Variants in IMMP2L observed in about 807,000 individuals in gnomAD.
IMMP2L encodes inner mitochondrial membrane peptidase subunit 2.
Under a neutral mutation model 19.3 loss-of-function variants are expected in IMMP2L, and 18 were observed. That is an observed-to-expected ratio of 0.93 (90% CI 0.64 to 1.38). IMMP2L has a LOEUF of 1.38. Ranked by LOEUF, IMMP2L falls within the 40% of genes most tolerant of loss-of-function variation. The probability of loss-of-function intolerance (pLI) is 0.00; values close to 1 mark genes in which losing one functional copy is unlikely to be tolerated. For missense variants in IMMP2L, 233 were observed against 218.2 expected, an observed-to-expected ratio of 1.07 and a Z score of -0.43; for synonymous variants, 76 against 73.0, an observed-to-expected ratio of 1.04 and a Z score of -0.21.
intron 3 of IMMP2L, among the ~76,000 whole-genome samples, chr7:111,242,996 TA>T (rs1260245623): frequency 6.6e-6 from 1 of 152,262 alleles, no homozygotes; most frequent in Admixed American, 6.5e-5. Context: ...GATCTTAAAA[TA>T]TTTTTTTCTG....
chr7:111,217,983 T>C (rs551641520), intron 3 of IMMP2L, among the ~76,000 whole-genome samples: 9 of 152,212 alleles, frequency 5.9e-5, no homozygotes, highest in Non-Finnish European at 1.2e-4. Context: ...TCACTTTTCT[T>C]TTCAAAATAA....
At chr7:111,173,938 T>C (rs2129609635) in intron 3 of IMMP2L, among the ~76,000 whole-genome samples, 1 of 151,874 alleles carries the variant, frequency 6.6e-6, no homozygotes, top group East Asian at 1.9e-4. Flanking sequence ...TGAAGTTAAA[T>C]ATATTAACAA....
At chr7:110,857,566 C>T (rs1040806682) in intron 5 of IMMP2L, among the ~76,000 whole-genome samples, 1 of 152,082 alleles carries the variant, frequency 6.6e-6, no homozygotes, top group Non-Finnish European at 1.5e-5. Flanking sequence ...AATATAGATT[C>T]CTGGATCTCA....
chr7:111,236,170 T>A (rs959732426), intron 3 of IMMP2L, among the ~76,000 whole-genome samples: 1 of 152,124 alleles, frequency 6.6e-6, no homozygotes, highest in Admixed American at 6.6e-5. Flanking sequence ...TGATTGATGT[T>A]CTCCTCATTT....
At chr7:111,090,634 T>A (rs776818373) in intron 3 of IMMP2L, among the ~76,000 whole-genome samples, 91 of 150,338 alleles carry the variant, frequency 6.1e-4, no homozygotes, top group Admixed American at 4.5e-3. Context: ...AAAAGTGTTA[T>A]TGAACACCAA....
chr7:111,256,645 A>C (rs1235895324), intron 3 of IMMP2L, among the ~76,000 whole-genome samples: 1 of 152,060 alleles, frequency 6.6e-6, no homozygotes, highest in African/African-American at 2.4e-5. Flanking sequence ...TGCTGCCTAG[A>C]GAGAAAAGTT....
intron 3 of IMMP2L, among the ~76,000 whole-genome samples, chr7:111,135,244 A>G (rs1802222827): frequency 6.6e-6 from 1 of 152,140 alleles, no homozygotes; most frequent in South Asian, 2.1e-4. Context: ...ATATTATAAC[A>G]CTCTACTGAT....
chr7:110,993,726 A>G (rs901331723), intron 3 of IMMP2L, among the ~76,000 whole-genome samples: 1 of 152,108 alleles, frequency 6.6e-6, no homozygotes, highest in Non-Finnish European at 1.5e-5. Flanking sequence ...CGAATGGTCA[A>G]AAACCAAATA....
At chr7:111,048,260 AAAAAAGAAAAAAAG>A (rs1792637670) in intron 3 of IMMP2L, among the ~76,000 whole-genome samples, 4 of 149,402 alleles carry the variant, frequency 2.7e-5, no homozygotes, top group African/African-American at 1.0e-4. Context: ...AAAAAAAAAA[AAAAAAGAAAAAAAG>A]AAAAAAGAAA....
intron 5 of IMMP2L, among the ~76,000 whole-genome samples, chr7:110,793,980 A>G (rs1800669917): frequency 6.6e-6 from 1 of 152,154 alleles, no homozygotes; most frequent in African/African-American, 2.4e-5. Context: ...CTATTGGAAT[A>G]GCAAAAAGCT....
chr7:111,316,735 A>C (rs7795479), intron 3 of IMMP2L, among the ~76,000 whole-genome samples: 3,467 of 151,882 alleles, frequency 0.023, 131 homozygotes, highest in African/African-American at 0.079. Context: ...TAAAAAAATT[A>C]TCATATTTAC....
At chr7:111,175,373 A>C (rs1196484597) in intron 3 of IMMP2L, among the ~76,000 whole-genome samples, 1 of 151,906 alleles carries the variant, frequency 6.6e-6, no homozygotes, top group Admixed American at 6.6e-5. Context: ...TTTCTAAGTA[A>C]TACAATATGT....
At chr7:111,532,891 A>T (rs1847533459) in intron 1 of IMMP2L, among the ~76,000 whole-genome samples, 1 of 151,978 alleles carries the variant, frequency 6.6e-6, no homozygotes, top group Admixed American at 6.6e-5. Flanking sequence ...GTCAGTACTG[A>T]AGATGCAAGC....
intron 4 of IMMP2L, chr7:110,963,010 C>T: frequency 1.3e-6 from 2 of 1,504,120 alleles, no homozygotes; most frequent in Non-Finnish European, 1.8e-6. Context: ...CTGATTGTTA[C>T]AATCTTATCA....
In IMMP2L at chr7:110,902,887, G is replaced by C. The variant is rs1233187742; in HGVS notation, c.306-16192C>G. Among the ~76,000 whole-genome samples, 5 of 35,374 alleles carry C rather than the reference G, an allele frequency of 1.4e-4. 1 individual carries two copies. Among genetic ancestry groups the C allele is most frequent in the Non-Finnish European group, 1.8e-4 (4 of 22,154 alleles). 23.2% of individuals were successfully genotyped at this position (35,374 alleles called of 152,430 possible). ...GCGGAGCATGCAGTGAGCCGAGATT[G>C]CGCCACTGCACTCCAGCCTGGGCGA... On this transcript the variant is annotated intron_variant, in intron 4 of 5. Transcript: ENST00000405709.
intron 3 of IMMP2L, among the ~76,000 whole-genome samples, chr7:111,259,045 T>C (rs1265213252): frequency 6.6e-6 from 1 of 152,144 alleles, no homozygotes; most frequent in Non-Finnish European, 1.5e-5. Context: ...AACATGTGAC[T>C]GTACTGAATA....
chr7:110,778,328 C>G (rs1479844021), intron 5 of IMMP2L, among the ~76,000 whole-genome samples: 1 of 151,746 alleles, frequency 6.6e-6, no homozygotes, highest in African/African-American at 2.4e-5. Context: ...ATATATCAAA[C>G]AATTCAGAAT....
intron 3 of IMMP2L, among the ~76,000 whole-genome samples, chr7:111,349,715 A>C (rs1014875901): frequency 2.0e-5 from 3 of 152,116 alleles, no homozygotes; most frequent in Admixed American, 1.3e-4. Context: ...TAAAACAGCC[A>C]CTGAAAGAAA....
intron 5 of IMMP2L, among the ~76,000 whole-genome samples, chr7:110,685,658 TTTCTTC>T (rs1391425811): frequency 6.6e-6 from 1 of 152,142 alleles, no homozygotes; most frequent in Admixed American, 6.5e-5. Flanking sequence ...CCCAACCAAT[TTTCTTC>T]TTAGAAAATC....
Sources: gnomAD v4.1 joint callset for allele counts (sites outside exome capture counted in the v4.1 genomes callset) on GRCh38, gnomAD v4.1.1 for gene constraint, MANE v1.5 for transcripts, NCBI Gene and HGNC (gene_info 2026-07-23, HGNC 2026-07-21) for gene names.